Variants in GABBR2 observed in about 807,000 individuals in gnomAD.
GABBR2 encodes gamma-aminobutyric acid type B receptor subunit 2, also known as G-protein coupled receptor 51.
GABBR2 carries 23 observed loss-of-function variants against 105.6 expected under a neutral mutation model. That is an observed-to-expected ratio of 0.22 (90% confidence interval 0.16 to 0.31). The LOEUF is 0.31. GABBR2 is among the 10% of genes least tolerant of loss of function. The pLI is 1.00. For missense variants in GABBR2, 734 were observed against 1,245.5 expected (o/e 0.59, Z 6.18); for synonymous variants, 478 against 499.7 (o/e 0.96, Z 0.58).
chr9:98,591,641 G>A (rs1268384424), intron 1 of GABBR2, among the ~76,000 whole-genome samples: 2 of 152,194 alleles, frequency 1.3e-5, no homozygotes, highest in Non-Finnish European at 2.9e-5. Flanking sequence ...GTCCACTGGG[G>A]AATTCATTAG....
chr9:98,667,209 G>A lies in GABBR2; in HGVS notation c.321+41208C>T, dbSNP rs549650214. ...CAGCTGTTTCCCAAAGCCCACTGTA[G>A]CAGTGGGGGTTGTAGTTTGTCCCTC... On this transcript the variant is annotated intron_variant, in intron 1 of 18. Transcript: ENST00000259455. 1.2e-3 allele frequency among the ~76,000 whole-genome samples: 185 copies of A among 152,300 alleles called. 1 individual carries two copies. The highest frequency in any genetic ancestry group is 4.2e-3 in the African/African-American group (174 of 41,568).
At position 98,416,674 on chromosome 9, in the gene GABBR2, C is replaced by G. The variant is rs899790091; in HGVS notation, c.1237-10533G>C. Among the ~76,000 whole-genome samples, 3 of 152,364 alleles carry G rather than the reference C, an allele frequency of 2.0e-5. No individual in the cohort carries two copies. The East Asian group carries it at 5.8e-4, about 29-fold the overall frequency. On this transcript the variant is annotated intron_variant, in intron 7 of 18. Transcript: ENST00000259455. ...ATGCCCCTCTTCAGACATCAGAATA[C>G]TAGCTGTGCAGGGCTTCTCCTCTGA...
At chr9:98,386,644 C>T (rs916432958) in intron 10 of GABBR2, among the ~76,000 whole-genome samples, 5 of 152,122 alleles carry the variant, frequency 3.3e-5, no homozygotes, top group Admixed American at 3.3e-4. Context: ...GGTGCCTGGC[C>T]CCCCCAGCAC....
chr9:98,317,181 C>T (rs1473871885), intron 13 of GABBR2, among the ~76,000 whole-genome samples: 1 of 152,208 alleles, frequency 6.6e-6, no homozygotes, highest in Non-Finnish European at 1.5e-5. Flanking sequence ...TCTTTCCTGC[C>T]TGGCAGGGCA....
At chr9:98,445,108 A>C (rs1415116) in intron 7 of GABBR2, among the ~76,000 whole-genome samples, 13,387 of 152,330 alleles carry the variant, frequency 0.088, 657 homozygotes, top group South Asian at 0.14. Context: ...TCATTTGTGA[A>C]TTTAATCCAA....
chr9:98,431,535 G>A (rs1271413151), intron 7 of GABBR2, among the ~76,000 whole-genome samples: 1 of 152,116 alleles, frequency 6.6e-6, no homozygotes, highest in Non-Finnish European at 1.5e-5. Flanking sequence ...AAATTCTGAT[G>A]CATGTGTGGG....
At chr9:98,316,474 A>C (rs986040288) in intron 13 of GABBR2, among the ~76,000 whole-genome samples, 1 of 152,162 alleles carries the variant, frequency 6.6e-6, no homozygotes, top group African/African-American at 2.4e-5. Flanking sequence ...TTTCTTCCTT[A>C]CTTGTTGCTC....
At chr9:98,482,156 G>T (rs555646988) in intron 4 of GABBR2, among the ~76,000 whole-genome samples, 1 of 152,210 alleles carries the variant, frequency 6.6e-6, no homozygotes, top group African/African-American at 2.4e-5. Context: ...CCTCCAGCAG[G>T]CCTCATGGCC....
intron 4 of GABBR2, among the ~76,000 whole-genome samples, chr9:98,494,937 C>A (rs1196877342): frequency 1.3e-5 from 2 of 152,246 alleles, no homozygotes; most frequent in Non-Finnish European, 2.9e-5. Flanking sequence ...CAAGTGCCCA[C>A]CATGGGGAGA....
intron 6 of GABBR2, among the ~76,000 whole-genome samples, chr9:98,472,731 T>C (rs1826710454): frequency 6.6e-6 from 1 of 152,156 alleles, no homozygotes; most frequent in Admixed American, 6.5e-5. Flanking sequence ...CTGGCAGCTC[T>C]ACAGCATGTG....
rs562932889 is a variant in GABBR2 at position 98,329,401 on chromosome 9, T to C, written c.1894-18196A>G. 2.6e-5 allele frequency among the ~76,000 whole-genome samples: 4 copies of C among 152,340 alleles called. No homozygotes were observed. In the South Asian group the frequency reaches 8.3e-4, roughly 32 times the overall value. On this transcript the variant is annotated intron_variant, in intron 13 of 18. Transcript: ENST00000259455. ...AAACACCTAGTCACACAGACAATTG[T>C]TAATTATGGAGGGAGCAAAACCAGC...
At chr9:98,536,946 C>G (rs370449919) in intron 3 of GABBR2, among the ~76,000 whole-genome samples, 3 of 152,192 alleles carry the variant, frequency 2.0e-5, no homozygotes, top group Non-Finnish European at 2.9e-5. Flanking sequence ...ACAAGTAGAC[C>G]GAGGCCACCA....
intron 9 of GABBR2, among the ~76,000 whole-genome samples, chr9:98,390,375 CAAAAAAAAAAA>C (rs61216428): frequency 0.014 from 459 of 32,454 alleles, 13 homozygotes; most frequent in African/African-American, 0.043. Context: ...CTCCATCTCA[CAAAAAAAAAAA>C]AAAAAAAAAA....
At chr9:98,468,177 G>T (rs540562525) in intron 6 of GABBR2, among the ~76,000 whole-genome samples, 1 of 152,188 alleles carries the variant, frequency 6.6e-6, no homozygotes, top group Admixed American at 6.5e-5. Flanking sequence ...ACTGAAGAAC[G>T]TGCTTCTGGA....
At chr9:98,574,269 T>C (rs1396390579) in intron 2 of GABBR2, among the ~76,000 whole-genome samples, 1 of 152,262 alleles carries the variant, frequency 6.6e-6, no homozygotes, top group Non-Finnish European at 1.5e-5. Flanking sequence ...AGCTAATTTG[T>C]GTGATCCACA....
intron 1 of GABBR2, among the ~76,000 whole-genome samples, chr9:98,678,659 A>G (rs1193062185): frequency 6.6e-6 from 1 of 152,220 alleles, no homozygotes; most frequent in South Asian, 2.1e-4. Flanking sequence ...TAATTAGTGC[A>G]TACGGGGAGG....
chr9:98,515,658 C>T (rs1057488658), intron 3 of GABBR2, among the ~76,000 whole-genome samples: 11 of 152,084 alleles, frequency 7.2e-5, no homozygotes, highest in African/African-American at 2.2e-4. Context: ...GCAAACTGCT[C>T]CCAGAGCCCA....
At chr9:98,571,351 C>T (rs919856566) in intron 2 of GABBR2, among the ~76,000 whole-genome samples, 10 of 152,134 alleles carry the variant, frequency 6.6e-5, no homozygotes, top group African/African-American at 2.4e-4. Flanking sequence ...CCCCTGTGAC[C>T]GCCTCCATGT....
intron 1 of GABBR2, among the ~76,000 whole-genome samples, chr9:98,642,014 C>T (rs953418516): frequency 1.3e-5 from 2 of 152,314 alleles, no homozygotes; most frequent in Middle Eastern, 3.4e-3. Context: ...CAAGGCTCCT[C>T]CAGCACGGCT....
Sources: gnomAD v4.1 joint callset for allele counts (sites outside exome capture counted in the v4.1 genomes callset) on GRCh38, gnomAD v4.1.1 for gene constraint, MANE v1.5 for transcripts, NCBI Gene and HGNC (gene_info 2026-07-23, HGNC 2026-07-21) for gene names.